Variants in COL9A2 observed in about 807,000 individuals in gnomAD.
The protein encoded by COL9A2 is collagen alpha-2(IX) chain.
COL9A2 carries 66 observed loss-of-function variants against 111.6 expected under a neutral mutation model. The ratio of observed to expected loss-of-function variants is 0.59; its 90% CI spans 0.48 to 0.73. The LOEUF (loss-of-function observed/expected upper bound fraction) is 0.73. COL9A2 is among the 30% of genes least tolerant of loss of function. COL9A2 has a pLI of 0.00. For missense variants in COL9A2, 881 were observed against 954.1 expected (o/e 0.92, Z 1.01); for synonymous variants, 353 against 364.1 (o/e 0.97, Z 0.35).
In COL9A2 at chr1:40,307,820, C is replaced by T. The variant is rs1644054701; in HGVS notation, c.901-64G>A. The T allele has an allele frequency of 3.2e-6, 5 of 1,553,004 alleles. No homozygotes were observed. In the South Asian group the frequency reaches 3.4e-5, roughly 10 times the overall value. ...GAGATGTCTGGGGTCTGGCCACCCACCCCTGTTCCTCTGAGACAGCTGCAG... is the reference window on the plus strand; with the variant it reads ...GAGATGTCTGGGGTCTGGCCACCCATCCCTGTTCCTCTGAGACAGCTGCAG... On this transcript the variant is annotated intron_variant, in intron 17 of 31. Transcript: ENST00000372748. This position sits in a 1 kb window ranked among gnomAD's most constrained non-coding sequence, Gnocchi z 4.8.
In COL9A2 at chr1:40,311,497, C is replaced by T. The variant is rs571193555; in HGVS notation, c.519+3G>A. Reference sequence around the variant, plus strand: ...TAGCCCCGCCCCAGACCTCGTCTCTCACCAGGAAATCCGCACTGCCTTCCA... The same window carrying T: ...TAGCCCCGCCCCAGACCTCGTCTCTTACCAGGAAATCCGCACTGCCTTCCA... On this transcript the variant is annotated splice_donor_region_variant and intron_variant, in intron 10 of 31. Coordinates refer to ENST00000372748, the MANE Select transcript of COL9A2 (RefSeq NM_001852.4). This position sits in a 1 kb window ranked among gnomAD's most constrained non-coding sequence, Gnocchi z 5.1. The T allele has an allele frequency of 5.0e-6, 8 of 1,604,348 alleles. No individual in the cohort carries two copies. Among genetic ancestry groups the T allele is most frequent in the African/African-American group, 1.3e-5 (1 of 74,602 alleles).
rs1644175040 is a variant in COL9A2 at position 40,314,006 on chromosome 1, TTGCCTGCAAATCAATGACCCTG to T, written c.249+177_249+198del. Reference sequence around the variant, plus strand: ...AGCAGACCCTCTCTCTGGACCCCGGTTGCCTGCAAATCAATGACCCTGGGTGAGAGTGAGGTTCCAGGAAGGT... The same window carrying T: ...AGCAGACCCTCTCTCTGGACCCCGGTGGTGAGAGTGAGGTTCCAGGAAGGT... On this transcript the variant is annotated intron_variant, in intron 4 of 31. Coordinates refer to ENST00000372748, the MANE Select transcript of COL9A2 (RefSeq NM_001852.4). This position sits in a 1 kb window ranked among gnomAD's most constrained non-coding sequence, Gnocchi z 4.1. 6.6e-6 allele frequency among the ~76,000 whole-genome samples: 1 copy of T among 152,154 alleles called. No individual in the cohort carries two copies. The highest frequency in any genetic ancestry group is 6.5e-5 in the Admixed American group (1 of 15,282).
chr1:40,303,440 C>T lies in COL9A2; in HGVS notation c.1548+90G>A. 1 of 1,554,432 alleles carries T rather than the reference C, an allele frequency of 6.4e-7. No individual in the cohort carries two copies. The highest frequency in any genetic ancestry group is 8.8e-7 in the Non-Finnish European group (1 of 1,141,446). On this transcript the variant is annotated intron_variant, in intron 28 of 31. Transcript: ENST00000372748. The surrounding 1 kb of genome is among the most constrained non-coding windows in gnomAD (Gnocchi z 4.6). ...ACCAGTCTCGGGGAAGTCGGTGAGT[C>T]TCTGGGAATCCCTAGCCTTTGGCGG...
chr1:40,303,512 C>A lies in COL9A2; in HGVS notation c.1548+18G>T. On this transcript the variant is annotated intron_variant, in intron 28 of 31. Coordinates refer to ENST00000372748, the MANE Select transcript of COL9A2 (RefSeq NM_001852.4). This position sits in a 1 kb window ranked among gnomAD's most constrained non-coding sequence, Gnocchi z 4.6. ...ATCTACCTAGAAGAAGCACCTCCTA[C>A]CCCGGGGCCCGACTCACCTCCACGC... 6.2e-7 allele frequency: 1 copy of A among 1,612,808 alleles called. No individual in the cohort carries two copies. Among genetic ancestry groups the A allele is most frequent in the East Asian group, 2.2e-5 (1 of 44,870 alleles).
At position 40,307,889 on chromosome 1, in the gene COL9A2, T is replaced by C. The variant is rs1644055570; in HGVS notation, c.901-133A>G. Reference sequence around the variant, plus strand: ...CTCTGGTCATCCCAGGAAGCCCCACTGGCCAACTGGGGGAGGGGAGTTGAA... The same window carrying C: ...CTCTGGTCATCCCAGGAAGCCCCACCGGCCAACTGGGGGAGGGGAGTTGAA... On this transcript the variant is annotated intron_variant, in intron 17 of 31. Transcript: ENST00000372748. This position sits in a 1 kb window ranked among gnomAD's most constrained non-coding sequence, Gnocchi z 4.8. 1.1e-6 allele frequency: 1 copy of C among 939,870 alleles called. No homozygotes were observed. 58.2% of individuals were successfully genotyped at this position (939,870 alleles called of 1,614,324 possible).
At position 40,316,736 on chromosome 1, in the gene COL9A2, G is replaced by C. The variant is rs1644225531; in HGVS notation, c.75+387C>G. The stretch of plus-strand genomic sequence containing the variant: ...GAGAGGCCGCCTCGGGGCGACAGCG[G>C]CGTCTGGTTGGAGCCGGCGCCCCCT... On this transcript the variant is annotated intron_variant, in intron 1 of 31. Transcript: ENST00000372748. This position sits in a 1 kb window ranked among gnomAD's most constrained non-coding sequence, Gnocchi z 5.5. 1 of 368,730 alleles carries C rather than the reference G, an allele frequency of 2.7e-6. No individual in the cohort carries two copies. 22.8% of individuals were successfully genotyped at this position (368,730 alleles called of 1,614,324 possible).
intron 2 of COL9A2, chr1:40,315,165 GA>G: frequency 1.0e-6 from 1 of 955,858 alleles, no homozygotes; most frequent in Non-Finnish European, 1.3e-6. Flanking sequence ...AAATCGGGGA[GA>G]GAAAACCGAA....
Position 40,312,272 on chromosome 1 carries a change from G to T in COL9A2, c.364-160C>A. Reference sequence around the variant, plus strand: ...ACAGACTGAGGCTTTAAGGACCAGAGAATTGCAGAGCCAGTGGACAGGCCC... The same window carrying T: ...ACAGACTGAGGCTTTAAGGACCAGATAATTGCAGAGCCAGTGGACAGGCCC... On this transcript the variant is annotated intron_variant, in intron 7 of 31. Coordinates refer to ENST00000372748, the MANE Select transcript of COL9A2 (RefSeq NM_001852.4). This position sits in a 1 kb window ranked among gnomAD's most constrained non-coding sequence, Gnocchi z 6.0. The T allele has an allele frequency of 9.9e-7, 1 of 1,012,410 alleles. No individual in the cohort carries two copies. The highest frequency in any genetic ancestry group is 1.5e-6 in the Non-Finnish European group (1 of 666,694). 62.7% of individuals were successfully genotyped at this position (1,012,410 alleles called of 1,614,324 possible).
chr1:40,311,324 T>G lies in COL9A2; in HGVS notation c.520-38A>C. 6.2e-7 allele frequency: 1 copy of G among 1,607,666 alleles called. No individual in the cohort carries two copies. Among genetic ancestry groups the G allele is most frequent in the Non-Finnish European group, 8.5e-7 (1 of 1,176,732 alleles). On this transcript the variant is annotated intron_variant, in intron 10 of 31. Coordinates refer to ENST00000372748, the MANE Select transcript of COL9A2 (RefSeq NM_001852.4). The surrounding 1 kb of genome is among the most constrained non-coding windows in gnomAD (Gnocchi z 5.1). Reference sequence around the variant, plus strand: ...AATCCCACAGGGTCCTGTGATCAGCTGGGCAGTGCGCCCCCATCTCTCCAA... The same window carrying G: ...AATCCCACAGGGTCCTGTGATCAGCGGGGCAGTGCGCCCCCATCTCTCCAA...
Position 40,317,109 on chromosome 1 carries a change from G to T in COL9A2, c.75+14C>A, listed in dbSNP as rs763884760. ...CACCCTGGACCCTGGCAGCGGAGGG[G>T]CTGCGAAACTTACAATCTGCGCCAG... On this transcript the variant is annotated intron_variant, in intron 1 of 31. Coordinates refer to ENST00000372748, the MANE Select transcript of COL9A2 (RefSeq NM_001852.4). The surrounding 1 kb of genome is among the most constrained non-coding windows in gnomAD (Gnocchi z 4.3). The T allele has an allele frequency of 1.9e-5, 30 of 1,561,436 alleles. No homozygotes were observed. In the East Asian group the frequency reaches 7.3e-4, roughly 38 times the overall value.
chr1:40,303,208 A>G lies in COL9A2; in HGVS notation c.1549-23T>C, dbSNP rs1249874428. 1.2e-6 allele frequency: 2 copies of G among 1,605,344 alleles called. No individual in the cohort carries two copies. Among genetic ancestry groups the G allele is most frequent in the African/African-American group, 2.7e-5 (2 of 74,908 alleles). ...GCCCTGAAAGCAGAGGCCTTTCAGG[A>G]AGAAGCCCCTGGCTACAAGGGCCCA... On this transcript the variant is annotated intron_variant, in intron 28 of 31. Transcript: ENST00000372748. The surrounding 1 kb of genome is among the most constrained non-coding windows in gnomAD (Gnocchi z 4.6).
In COL9A2 at chr1:40,304,490, G is replaced by A; in HGVS notation, c.1201C>T (p.Pro401Ser). The stretch of plus-strand genomic sequence containing the variant: ...CCTGCACTCACCTGCCTTCCCTGAG[G>A]GCCTGGTTGCCCCACTGGACCCCTC... ...GERGPVGQPG[P>S]QGRQGPKGEQ... is the part of the protein sequence containing the mutation. The change falls in exon 23 of 32, where the codon CCT becomes TCT. Residue 401 changes from proline (P) to serine (S), a missense_variant. By Grantham distance (74) the Pro-to-Ser change is moderately conservative. Transcript: ENST00000372748. 7 of 1,614,156 alleles carry A rather than the reference G, an allele frequency of 4.3e-6. No homozygotes were observed. The highest frequency in any genetic ancestry group is 5.9e-6 in the Non-Finnish European group (7 of 1,180,026).
At chr1:40,305,345 G>A (rs1465428805) in intron 21 of COL9A2, among the ~76,000 whole-genome samples, 8 of 152,142 alleles carry the variant, frequency 5.3e-5, no homozygotes, top group Non-Finnish European at 1.0e-4. Context: ...GTGAGCCACC[G>A]CGCCCGGCGT....
Position 40,301,365 on chromosome 1 carries a change from A to C in COL9A2, c.1887T>G (p.Pro629=). ...PPGIPGLPGR[P]GQAINGKDGD... is the part of the protein sequence containing the mutation. ...CATCCTTGCCGTTGATTGCCTGGCC[A>C]GGCCGGCCAGGGAGTCCTGTGAACA... Residue 629 remains proline, a synonymous_variant, in exon 32 of 32, where the codon CCT becomes CCG. Coordinates refer to ENST00000372748, the MANE Select transcript of COL9A2 (RefSeq NM_001852.4). 2 of 1,608,462 alleles carry C rather than the reference A, an allele frequency of 1.2e-6. No individual in the cohort carries two copies. The highest frequency in any genetic ancestry group is 1.7e-6 in the Non-Finnish European group (2 of 1,176,444).
In COL9A2 at chr1:40,302,485, G is replaced by T; in HGVS notation, c.1792+136C>A. ...CCGTTTGCTACTAGGAAAGAGCCCA[G>T]GAGTGTCTCCTGGACCATGTGGCTG... On this transcript the variant is annotated intron_variant, in intron 30 of 31. Coordinates refer to ENST00000372748, the MANE Select transcript of COL9A2 (RefSeq NM_001852.4). This position sits in a 1 kb window ranked among gnomAD's most constrained non-coding sequence, Gnocchi z 4.5. 3 of 930,608 alleles carry T rather than the reference G, an allele frequency of 3.2e-6. No individual in the cohort carries two copies. Among genetic ancestry groups the T allele is most frequent in the Non-Finnish European group, 5.0e-6 (3 of 605,342 alleles). The allele number at this position is 930,608 out of a possible 1,614,324, so 57.6% of individuals were successfully genotyped here. A position where few individuals can be genotyped will look rare whatever the true frequency, so the allele number is the denominator to read the frequency against.
chr1:40,305,752 T>C lies in COL9A2; in HGVS notation c.1070A>G (p.Gln357Arg), dbSNP rs1644019051. Residue 357 changes from glutamine (Q) to arginine (R), a missense_variant, in exon 21 of 32, where the codon CAG (glutamine) becomes CGG (arginine). Gln to Arg is a conservative substitution (Grantham distance 43). Transcript: ENST00000372748. Reference protein sequence around the residue: ...GPGDQGEPGPQGLPGFSGPPG... With the variant: ...GPGDQGEPGPRGLPGFSGPPG... ...GGGACCAGAGAATCCAGGAAGGCCC[T>C]GCGGGCCCGGCTCACCCTGCAGGAA... is the stretch of plus-strand genomic sequence containing the variant. 5 of 1,614,084 alleles carry C rather than the reference T, an allele frequency of 3.1e-6. No individual in the cohort carries two copies. Among genetic ancestry groups the C allele is most frequent in the Non-Finnish European group, 4.2e-6 (5 of 1,179,994 alleles).
Position 40,303,113 on chromosome 1 carries a change from G to A in COL9A2, c.1603+18C>T. The A allele has an allele frequency of 1.2e-6, 2 of 1,611,052 alleles. No individual in the cohort carries two copies. Among genetic ancestry groups the A allele is most frequent in the Middle Eastern group, 3.3e-4 (2 of 6,032 alleles). ...GATGCCCTCGAACTGACTGTGAGGA[G>A]GGGTTGCTGCCCCTCACCTTGCAGC... On this transcript the variant is annotated intron_variant, in intron 29 of 31. Coordinates refer to ENST00000372748, the MANE Select transcript of COL9A2 (RefSeq NM_001852.4). This position sits in a 1 kb window ranked among gnomAD's most constrained non-coding sequence, Gnocchi z 4.6.
At position 40,302,010 on chromosome 1, in the gene COL9A2, T is replaced by C. The variant is rs1229702716; in HGVS notation, c.1793-121A>G. The C allele has an allele frequency of 8.0e-6, 8 of 994,690 alleles. No individual in the cohort carries two copies. Among genetic ancestry groups the C allele is most frequent in the East Asian group, 2.6e-5 (1 of 38,382 alleles). The allele number at this position is 994,690 out of a possible 1,614,324, so 61.6% of individuals were successfully genotyped here. A position where few individuals can be genotyped will look rare whatever the true frequency, so the allele number is the denominator to read the frequency against. ...TGTGCTAGTTTGTAATAGAGGAAAG[T>C]TGGAAATGGTCACGCAGGGCTTGTT... On this transcript the variant is annotated intron_variant, in intron 30 of 31. Coordinates refer to ENST00000372748, the MANE Select transcript of COL9A2 (RefSeq NM_001852.4). The surrounding 1 kb of genome is among the most constrained non-coding windows in gnomAD (Gnocchi z 4.5).
rs774299922 is a variant in COL9A2, at chr1:40,303,593, G to A, written c.1485C>T (p.Pro495=). 1.2e-5 allele frequency: 19 copies of A among 1,605,818 alleles called. No individual in the cohort carries two copies. The highest frequency in any genetic ancestry group is 1.5e-5 in the Non-Finnish European group (18 of 1,176,968). ...APGVQGYPGP[P]GPRGLAGNRG... ...GGTTCCCGGCCAGTCCTCGAGGGCC[G>A]GGGGGACCAGGGTAGCCCTGAACCC... is the stretch of plus-strand genomic sequence containing the variant. The change falls in exon 28 of 32, where the codon CCC becomes CCT. Residue 495 remains proline, a synonymous_variant. Coordinates refer to ENST00000372748, the MANE Select transcript of COL9A2 (RefSeq NM_001852.4). The surrounding 1 kb of genome is among the most constrained non-coding windows in gnomAD (Gnocchi z 4.6).
Sources: gnomAD v4.1 joint callset for allele counts (sites outside exome capture counted in the v4.1 genomes callset) on GRCh38, gnomAD v4.1.1 for gene constraint, Gnocchi (gnomAD v3.1) non-coding constraint, MANE v1.5 for transcripts, NCBI Gene and HGNC (gene_info 2026-07-23, HGNC 2026-07-21) for gene names.